The following LMCD1 variants were observed in gnomAD, a reference collection of about 807,000 sequenced individuals.
The protein encoded by LMCD1 is LIM and cysteine-rich domains protein 1.
Under a neutral mutation model 42.7 loss-of-function variants are expected in LMCD1, and 32 were observed. That is an observed-to-expected ratio of 0.75 (90% confidence interval 0.57 to 1.01). The LOEUF is 1.01. Among genes scored for constraint, LMCD1 ranks in the 50% least tolerant of loss-of-function variants. LMCD1 has a pLI of 0.00. For missense variants in LMCD1, 458 were observed against 483.1 expected (o/e 0.95, Z 0.49); for synonymous variants, 178 against 184.9 (o/e 0.96, Z 0.30).
intron 4 of LMCD1, chr3:8,551,340 G>C (rs186970026): frequency 5.1e-6 from 5 of 985,370 alleles, no homozygotes; most frequent in Middle Eastern, 5.2e-4. Flanking sequence ...CTAGGCGGAC[G>C]GTGCGATTCC....
intron 1 of LMCD1, among the ~76,000 whole-genome samples, chr3:8,519,631 G>T (rs772353434): frequency 6.7e-4 from 102 of 151,512 alleles, no homozygotes; most frequent in Non-Finnish European, 1.2e-3. Context: ...CAGAATCCAA[G>T]TATATATAGT....
intron 4 of LMCD1, chr3:8,549,886 C>T (rs1694809597): frequency 2.7e-6 from 2 of 751,798 alleles, no homozygotes; most frequent in South Asian, 2.9e-5. Context: ...GCCAGTCCCA[C>T]TCGTGTGATA....
rs200085551 is a variant in LMCD1 at position 8,567,591 on chromosome 3, G to T, written c.1091G>T (p.Arg364Leu). The T allele has an allele frequency of 6.2e-6, 10 of 1,612,484 alleles. No individual in the cohort carries two copies. Among genetic ancestry groups the T allele is most frequent in the Non-Finnish European group, 8.5e-6 (10 of 1,179,282 alleles). ...TGCCCAACTTGCAGCAAGTCCAAAC[G>T]CTCCTGAAGGGCTGCCCACCCACAG... ...LLCPTCSKSK[R>L]S Residue 364 changes from arginine to leucine, a missense_variant, in exon 6 of 6, where the codon CGC (arginine) becomes CTC (leucine). Physicochemically the swap from Arg to Leu is moderately radical, Grantham distance 102 (BLOSUM62 -2). Transcript: ENST00000157600.
At chr3:8,549,895 T>C (rs1346173557) in intron 4 of LMCD1, 1 of 762,358 alleles carries the variant, frequency 1.3e-6, no homozygotes, top group Non-Finnish European at 2.3e-6. Flanking sequence ...ACTCGTGTGA[T>C]AACCCATTAA....
chr3:8,567,229 A>G (rs1231784582), intron 5 of LMCD1, among the ~76,000 whole-genome samples: 5 of 151,742 alleles, frequency 3.3e-5, no homozygotes, highest in African/African-American at 1.2e-4. Flanking sequence ...GATTTTTTTT[A>G]TTCCGTCTGA....
At chr3:8,509,955 G>A (rs1376799131) in intron 1 of LMCD1, among the ~76,000 whole-genome samples, 2 of 152,186 alleles carry the variant, frequency 1.3e-5, no homozygotes, top group African/African-American at 2.4e-5. Context: ...GCGATACAGT[G>A]GTAGACCAGT....
intron 1 of LMCD1, among the ~76,000 whole-genome samples, chr3:8,502,872 C>T (rs567491971): frequency 1.3e-5 from 2 of 152,218 alleles, no homozygotes; most frequent in South Asian, 4.1e-4. Context: ...GAGAGACAAC[C>T]TAGGCTTTAC....
At chr3:8,528,586 G>T (rs1694345087) in intron 1 of LMCD1, among the ~76,000 whole-genome samples, 1 of 152,152 alleles carries the variant, frequency 6.6e-6, no homozygotes, top group Non-Finnish European at 1.5e-5. Flanking sequence ...CAAAGAAAGG[G>T]CAGGGATAAT....
chr3:8,519,099 A>G (rs1694152959), intron 1 of LMCD1, among the ~76,000 whole-genome samples: 1 of 152,224 alleles, frequency 6.6e-6, no homozygotes, highest in African/African-American at 2.4e-5. Context: ...TAATAGAGCA[A>G]TGAACTAGAC....
intron 1 of LMCD1, among the ~76,000 whole-genome samples, chr3:8,520,875 TCTCA>T (rs1413905708): frequency 1.1e-4 from 16 of 152,196 alleles, no homozygotes; most frequent in African/African-American, 3.9e-4. Context: ...AGGACCATCC[TCTCA>T]CTGACTGAAT....
At chr3:8,536,833 G>A (rs1396719645) in intron 2 of LMCD1, among the ~76,000 whole-genome samples, 1 of 152,122 alleles carries the variant, frequency 6.6e-6, no homozygotes, top group Middle Eastern at 3.2e-3. Context: ...AGCAGATTGT[G>A]GGCCAAGTTT....
chr3:8,503,398 TATC>T (rs1693806671), intron 1 of LMCD1, among the ~76,000 whole-genome samples: 1 of 152,242 alleles, frequency 6.6e-6, no homozygotes, highest in African/African-American at 2.4e-5. Flanking sequence ...GTCTGGAATG[TATC>T]ATGCCTCACT....
chr3:8,545,958 C>T (rs1374398843), intron 3 of LMCD1, among the ~76,000 whole-genome samples: 2 of 152,162 alleles, frequency 1.3e-5, no homozygotes, highest in African/African-American at 4.8e-5. Context: ...GAAACCCCGT[C>T]TCTACTAAAA....
intron 1 of LMCD1, among the ~76,000 whole-genome samples, chr3:8,502,307 ATATAAAATATATATT>A (rs1559342069): frequency 0.012 from 388 of 31,506 alleles, 30 homozygotes; most frequent in Admixed American, 0.019. Context: ...TATATATAAT[ATATAAAATATATATT>A]ATATATAATA....
chr3:8,572,358 T>C lies in LMCD1; in HGVS notation c.*4760T>C, dbSNP rs1695232300. The C allele has an allele frequency of 6.6e-6, 1 of 152,242 alleles. No homozygotes were observed. Among genetic ancestry groups the C allele is most frequent in the Non-Finnish European group, 1.5e-5 (1 of 68,036 alleles). The allele number at this position is 152,242 out of a possible 1,614,324, so 9.4% of individuals were successfully genotyped here. A position where few individuals can be genotyped will look rare whatever the true frequency, so the allele number is the denominator to read the frequency against. ...AATTTTGAACATTTGATAATGCCAG[T>C]ATCAGCCAGATTTTTCCATTGTAAA... On this transcript the variant is annotated 3_prime_UTR_variant, in exon 6 of 6. Coordinates refer to ENST00000157600, the MANE Select transcript of LMCD1 (RefSeq NM_014583.4).
chr3:8,533,213 G>C (rs1226248530), intron 2 of LMCD1, among the ~76,000 whole-genome samples: 1 of 152,110 alleles, frequency 6.6e-6, no homozygotes, highest in Non-Finnish European at 1.5e-5. Flanking sequence ...CTGTGGATGG[G>C]TTTTGGTCTA....
intron 1 of LMCD1, among the ~76,000 whole-genome samples, chr3:8,529,132 C>T (rs770721834): frequency 2.0e-5 from 3 of 152,184 alleles, no homozygotes; most frequent in African/African-American, 7.2e-5. Context: ...TGTTTATAAA[C>T]CAGAGTATCT....
In LMCD1 at chr3:8,541,709, G is replaced by A. The variant is rs144440959; in HGVS notation, c.387+4269G>A. On this transcript the variant is annotated intron_variant, in intron 3 of 5. Coordinates refer to ENST00000157600, the MANE Select transcript of LMCD1 (RefSeq NM_014583.4). ...GAGACGTAGATAACATGACGTAGTCGGGTATCAGAGAGATACCTGGGAGAT... is the reference window on the plus strand; with the variant it reads ...GAGACGTAGATAACATGACGTAGTCAGGTATCAGAGAGATACCTGGGAGAT... Among the ~76,000 whole-genome samples the A allele has an allele frequency of 1.4e-3, 213 of 152,312 alleles. 2 individuals are homozygous for A. The highest frequency in any genetic ancestry group is 0.014 in the Middle Eastern group (4 of 292).
chr3:8,546,091 C>T (rs549137788), intron 3 of LMCD1, among the ~76,000 whole-genome samples: 1 of 152,200 alleles, frequency 6.6e-6, no homozygotes, highest in Non-Finnish European at 1.5e-5. Context: ...TAAGATCAGG[C>T]CATTGCACTC....
Sources: allele counts gnomAD v4.1 joint callset (sites outside exome capture counted in the v4.1 genomes callset), GRCh38; gene constraint gnomAD v4.1.1; transcripts MANE v1.5; gene names NCBI Gene and HGNC (gene_info 2026-07-23, HGNC 2026-07-21).